Variants in CADM2 observed in about 807,000 individuals in gnomAD.
CADM2 encodes the protein immunoglobulin superfamily member 4D.
Under a neutral mutation model 49.8 loss-of-function variants are expected in CADM2, and 12 were observed. That is an observed-to-expected ratio of 0.24 (90% confidence interval 0.15 to 0.39). CADM2 has a LOEUF of 0.39. Ranked by LOEUF, CADM2 falls within the 10% of genes least tolerant of loss-of-function variation. The probability of loss-of-function intolerance (pLI) is 1.00; values close to 1 mark genes in which losing one functional copy is unlikely to be tolerated. For synonymous variants in CADM2, 214 were observed against 175.4 expected (o/e 1.22, Z -1.74); for missense variants, 378 against 492.3 (o/e 0.77, Z 2.20).
intron 3 of CADM2, among the ~76,000 whole-genome samples, chr3:85,870,592 T>C (rs1272928632): frequency 6.6e-6 from 1 of 152,216 alleles, no homozygotes; most frequent in East Asian, 1.9e-4. Context: ...TTCTTTTGTA[T>C]GGCTGTGTAA....
chr3:85,665,886 CT>C (rs201493811), intron 1 of CADM2, among the ~76,000 whole-genome samples: 14 of 150,762 alleles, frequency 9.3e-5, no homozygotes, highest in South Asian at 2.1e-4. Context: ...ATGAGAAAGG[CT>C]TTTTTTTTCT....
chr3:85,243,040 A>T (rs1215409160), intron 1 of CADM2, among the ~76,000 whole-genome samples: 3 of 151,838 alleles, frequency 2.0e-5, no homozygotes, highest in Non-Finnish European at 4.4e-5. Context: ...GAGGTCACAT[A>T]AAAGAAAGCA....
intron 8 of CADM2, among the ~76,000 whole-genome samples, chr3:85,975,278 T>A (rs1478478794): frequency 1.3e-5 from 2 of 151,388 alleles, no homozygotes; most frequent in African/African-American, 4.8e-5. Flanking sequence ...TTAAAACACA[T>A]AATTATGATT....
chr3:85,135,087 T>G (rs967917407), intron 1 of CADM2, among the ~76,000 whole-genome samples: 22 of 151,910 alleles, frequency 1.4e-4, no homozygotes, highest in Non-Finnish European at 2.9e-4. Context: ...TAAATATAAA[T>G]GTGTATATAA....
chr3:85,654,685 T>C (rs537692316), intron 1 of CADM2, among the ~76,000 whole-genome samples: 1 of 152,306 alleles, frequency 6.6e-6, no homozygotes, highest in East Asian at 1.9e-4. Context: ...AGTTTAAAAT[T>C]GGATAGCCTC....
intron 1 of CADM2, among the ~76,000 whole-genome samples, chr3:85,346,043 C>G (rs1184500399): frequency 6.6e-6 from 1 of 152,120 alleles, no homozygotes; most frequent in Non-Finnish European, 1.5e-5. Flanking sequence ...ACTGGTCTTA[C>G]AACTTTTCTG....
intron 1 of CADM2, among the ~76,000 whole-genome samples, chr3:85,310,421 G>A (rs2044314472): frequency 6.6e-6 from 1 of 151,964 alleles, no homozygotes; most frequent in Non-Finnish European, 1.5e-5. Flanking sequence ...TCTTATGAGG[G>A]GCAGGTGCTA....
intron 2 of CADM2, among the ~76,000 whole-genome samples, chr3:85,735,314 C>A (rs950029713): frequency 2.0e-5 from 3 of 151,830 alleles, no homozygotes; most frequent in Non-Finnish European, 4.4e-5. Flanking sequence ...GGAAACAATC[C>A]AAGAAGAGGA....
chr3:85,466,894 A>C (rs1489083764), intron 1 of CADM2, among the ~76,000 whole-genome samples: 1 of 152,144 alleles, frequency 6.6e-6, no homozygotes, highest in Non-Finnish European at 1.5e-5. Context: ...CTTTTCTCTC[A>C]CATTCTTTCT....
chr3:85,472,927 T>C (rs1027428576), intron 1 of CADM2, among the ~76,000 whole-genome samples: 1 of 152,094 alleles, frequency 6.6e-6, no homozygotes, highest in African/African-American at 2.4e-5. Context: ...GTAGTCCCTT[T>C]GTAAACCACT....
intron 1 of CADM2, among the ~76,000 whole-genome samples, chr3:85,705,878 T>A (rs2066932669): frequency 6.6e-6 from 1 of 152,224 alleles, no homozygotes; most frequent in Non-Finnish European, 1.5e-5. Context: ...TTTTGTAGTG[T>A]ATTCCTTTCA....
chr3:85,080,019 G>A (rs149265364), intron 1 of CADM2, among the ~76,000 whole-genome samples: 3 of 152,022 alleles, frequency 2.0e-5, no homozygotes, highest in Admixed American at 6.6e-5. Flanking sequence ...GTAATAGTAA[G>A]TATTGAAGTG....
intron 1 of CADM2, among the ~76,000 whole-genome samples, chr3:85,650,049 G>T (rs2064998433): frequency 6.6e-6 from 1 of 152,032 alleles, no homozygotes; most frequent in Non-Finnish European, 1.5e-5. Context: ...ATTGGGCTTG[G>T]CATATTCTGC....
intron 1 of CADM2, among the ~76,000 whole-genome samples, chr3:85,476,536 T>A (rs757972063): frequency 6.6e-6 from 1 of 151,878 alleles, no homozygotes; most frequent in Admixed American, 6.6e-5. Flanking sequence ...TTCACTCTTT[T>A]ATGAGTTTTT....
At chr3:85,241,489 T>A (rs1463318915) in intron 1 of CADM2, among the ~76,000 whole-genome samples, 5 of 151,536 alleles carry the variant, frequency 3.3e-5, no homozygotes, top group Admixed American at 2.0e-4. Flanking sequence ...TAAATCTAAA[T>A]GTCCCTGGCT....
intron 2 of CADM2, among the ~76,000 whole-genome samples, chr3:85,748,320 T>A (rs1436223583): frequency 6.6e-6 from 1 of 151,192 alleles, no homozygotes; most frequent in Non-Finnish European, 1.5e-5. Flanking sequence ...CTTTATCTTA[T>A]TTATGTCTAG....
intron 1 of CADM2, among the ~76,000 whole-genome samples, chr3:85,568,594 C>A (rs2062384727): frequency 9.3e-6 from 1 of 108,086 alleles, no homozygotes; most frequent in Admixed American, 1.1e-4. Context: ...TTCTTTCCTT[C>A]TTTTCTTTCC....
chr3:85,087,796 C>G (rs191876208), intron 1 of CADM2, among the ~76,000 whole-genome samples: 6 of 151,876 alleles, frequency 4.0e-5, no homozygotes, highest in Non-Finnish European at 8.8e-5. Flanking sequence ...ATAACATTAC[C>G]TCCTCATATA....
intron 1 of CADM2, among the ~76,000 whole-genome samples, chr3:85,543,431 T>TGTGTGTGTGTGGGTGTGG (rs1559899016): frequency 2.9e-5 from 2 of 69,864 alleles, no homozygotes; most frequent in Non-Finnish European, 8.2e-5. Flanking sequence ...TGTGTGTGTG[T>TGTGTGTGTGTGGGTGTGG]GTGTGTGTGT....
Sources: gnomAD v4.1 joint callset for allele counts (sites outside exome capture counted in the v4.1 genomes callset) on GRCh38, gnomAD v4.1.1 for gene constraint, MANE v1.5 for transcripts, NCBI Gene and HGNC (gene_info 2026-07-23, HGNC 2026-07-21) for gene names.